MYO1H: variants seen among roughly 807,000 people sequenced by gnomAD.
MYO1H encodes the protein unconventional myosin-Ih.
A neutral mutation model predicts 149.3 loss-of-function variants in MYO1H; 118 were observed. The observed-to-expected ratio is 0.79, with a 90% CI of 0.68 to 0.92. The LOEUF (loss-of-function observed/expected upper bound fraction) is 0.92, where lower values mean the gene tolerates loss of function less well. MYO1H is among the 40% of genes least tolerant of loss of function. The pLI, the probability that MYO1H is intolerant of heterozygous loss-of-function variation, is 0.00. For missense variants in MYO1H, 1,212 were observed against 1,280.7 expected (o/e 0.95, Z 0.82); for synonymous variants, 447 against 465.2 (o/e 0.96, Z 0.50).
intron 20 of MYO1H, 140 bp from the exon 21 acceptor site, chr12:109,434,897 T>C: frequency 1.7e-6 from 1 of 594,142 alleles, no homozygotes; most frequent in Non-Finnish European, 3.0e-6. Flanking sequence ...CTTACCTCAA[T>C]CACATCTGCA....
At chr12:109,329,770 T>C in the MYO1H span, among the ~76,000 whole-genome samples, 1 of 152,216 alleles carries the variant, frequency 6.6e-6, no homozygotes, top group African/African-American at 2.4e-5. Flanking sequence ...TTCAACCTCA[T>C]ACATCATGTG....
chr12:109,406,009 A>C (rs767589985), exon 8 of MYO1H: 1 of 1,613,478 alleles, frequency 6.2e-7, no homozygotes, highest in Admixed American at 1.7e-5. Flanking sequence ...TATCCCAGAC[A>C]CCCATGAGAT....
intron 1 of MYO1H, among the ~76,000 whole-genome samples, chr12:109,367,615 T>C (rs1000304764): frequency 1.3e-5 from 2 of 151,886 alleles, no homozygotes; most frequent in Non-Finnish European, 2.9e-5. Flanking sequence ...ACAATGACAC[T>C]ATCTCGGCTC....
the MYO1H span, among the ~76,000 whole-genome samples, chr12:109,325,983 A>G: frequency 6.6e-6 from 1 of 152,204 alleles, no homozygotes; most frequent in Non-Finnish European, 1.5e-5. Flanking sequence ...AGTGTAAATT[A>G]GTTCTCATTC....
chr12:109,437,272 CTT>C (rs1362545809), intron 22 of MYO1H, among the ~76,000 whole-genome samples: 3 of 152,066 alleles, frequency 2.0e-5, no homozygotes, highest in Non-Finnish European at 2.9e-5. Context: ...TAATCATTCT[CTT>C]GTTTTTCTTC....
At chr12:109,443,286 GTA>G (rs199800943) in intron 27 of MYO1H, among the ~76,000 whole-genome samples, 1,305 of 56,948 alleles carry the variant, frequency 0.023, 14 homozygotes, top group Middle Eastern at 0.04. Context: ...ATATGTGTAC[GTA>G]TATATGTGTG....
intron 1 of MYO1H, among the ~76,000 whole-genome samples, chr12:109,382,555 AATT>A (rs1356729193): frequency 1.3e-5 from 2 of 152,182 alleles, no homozygotes; most frequent in South Asian, 2.1e-4. Flanking sequence ...AGTATTAAGG[AATT>A]ATTATGGTAT....
At chr12:109,321,635 C>A in the MYO1H span, among the ~76,000 whole-genome samples, 1 of 152,132 alleles carries the variant, frequency 6.6e-6, no homozygotes, top group Non-Finnish European at 1.5e-5. Flanking sequence ...TGGACCATTT[C>A]CAGAATGAGA....
chr12:109,424,083 T>C (rs1313820509), intron 16 of MYO1H, among the ~76,000 whole-genome samples: 1 of 152,204 alleles, frequency 6.6e-6, no homozygotes, highest in Non-Finnish European at 1.5e-5. Context: ...TTTTTATTTC[T>C]CTTTGCACAA....
the MYO1H span, among the ~76,000 whole-genome samples, chr12:109,322,601 A>G: frequency 6.6e-6 from 1 of 151,668 alleles, no homozygotes; most frequent in Non-Finnish European, 1.5e-5. Context: ...CAGGTGGATC[A>G]TGAGGTCCAG....
the MYO1H span, among the ~76,000 whole-genome samples, chr12:109,312,209 T>G: frequency 9.5e-3 from 1,110 of 116,968 alleles, 9 homozygotes; most frequent in Non-Finnish European, 0.014. Flanking sequence ...CAGTTTTTTT[T>G]TTTGTTTGTT....
chr12:109,447,489 G>A (rs993936687), exon 32 of MYO1H: 6 of 490,562 alleles, frequency 1.2e-5, no homozygotes, highest in Admixed American at 6.4e-5. Context: ...ATTAGAGGGT[G>A]GGCAAGATTC....
exon 8 of MYO1H, chr12:109,405,937 A>G: frequency 6.2e-7 from 1 of 1,611,744 alleles, no homozygotes; most frequent in South Asian, 1.1e-5. Flanking sequence ...CTTTGGAATT[A>G]TTGCCAGTGT....
At chr12:109,431,957 A>G (rs1353550241) in intron 19 of MYO1H, among the ~76,000 whole-genome samples, 7 of 148,008 alleles carry the variant, frequency 4.7e-5, no homozygotes, top group Admixed American at 3.4e-4. Flanking sequence ...AGCTGGGACT[A>G]CAGCCGCACA....
chr12:109,436,966 A>G (rs1021541890), intron 22 of MYO1H, among the ~76,000 whole-genome samples: 1 of 152,062 alleles, frequency 6.6e-6, no homozygotes, highest in Non-Finnish European at 1.5e-5. Flanking sequence ...TTAGCTAGGC[A>G]TGGTGGTTAA....
the MYO1H span, among the ~76,000 whole-genome samples, chr12:109,342,717 A>T: frequency 3.3e-5 from 5 of 150,414 alleles, no homozygotes; most frequent in Non-Finnish European, 7.4e-5. Flanking sequence ...TAATTTTTAA[A>T]TTTTTTGTAG....
chr12:109,350,078 G>T (rs1868432330), intron 1 of MYO1H, among the ~76,000 whole-genome samples: 2 of 151,882 alleles, frequency 1.3e-5, no homozygotes, highest in Non-Finnish European at 2.9e-5. Flanking sequence ...AAAGCAAAAT[G>T]AAGAACTGAA....
chr12:109,374,737 C>T (rs1442190824), intron 1 of MYO1H, among the ~76,000 whole-genome samples: 1 of 152,190 alleles, frequency 6.6e-6, no homozygotes, highest in Non-Finnish European at 1.5e-5. Flanking sequence ...AAGAGTTTCT[C>T]TTGCTCTACA....
chr12:109,446,964 T>G (rs1191192417), intron 31 of MYO1H, 195 bp from the exon 32 acceptor site: 1 of 632,146 alleles, frequency 1.6e-6, no homozygotes, highest in Non-Finnish European at 2.9e-6. Context: ...CCTCCCTGAC[T>G]GGTTCTGGCT....
Sources: allele counts gnomAD v4.1 joint callset (sites outside exome capture counted in the v4.1 genomes callset), GRCh38; gene constraint gnomAD v4.1.1; transcripts MANE v1.5; gene names NCBI Gene and HGNC (gene_info 2026-07-23, HGNC 2026-07-21).